RUNX3: variants seen among roughly 807,000 people sequenced by gnomAD.
RUNX3 encodes runt-related transcription factor 3.
In RUNX3, 10 loss-of-function variants were observed where a neutral mutation model predicts 27.7. The observed-to-expected ratio is 0.36, with a 90% confidence interval of 0.22 to 0.61. The LOEUF is 0.61. RUNX3 is among the 20% of genes least tolerant of loss of function. RUNX3 has a pLI of 0.72. For missense variants in RUNX3, 469 were observed against 629.5 expected (o/e 0.75, Z 2.73); for synonymous variants, 270 against 269.2 (o/e 1.00, Z -0.03).
In RUNX3 at chr1:24,901,958, T is replaced by A; in HGVS notation, c.*164A>T. On this transcript the variant is annotated 3_prime_UTR_variant, in exon 5 of 5. Transcript: ENST00000308873. ...CTATGCCTCTGTACAAGGATGTGGC[T>A]GCACAGATGCAGCCAGAGGCTCCCA... The A allele has an allele frequency of 1.5e-6, 1 of 654,294 alleles. No individual in the cohort carries two copies. Among genetic ancestry groups the A allele is most frequent in the Non-Finnish European group, 2.6e-6 (1 of 387,726 alleles). The allele number at this position is 654,294 out of a possible 1,614,324, so 40.5% of individuals were successfully genotyped here. A position where few individuals can be genotyped will look rare whatever the true frequency, so the allele number is the denominator to read the frequency against.
chr1:24,902,154 G>A lies in RUNX3; in HGVS notation c.1216C>T (p.Arg406Cys), dbSNP rs866270424. 4 of 1,570,190 alleles carry A rather than the reference G, an allele frequency of 2.5e-6. No individual in the cohort carries two copies. The highest frequency in any genetic ancestry group is 1.3e-5 in the African/African-American group (1 of 74,514). ...NSPTALSTPG[R>C]MDEAVWRPY ...GGCCGCCACACGGCCTCATCCATGC[G>A]GCCTGGCGTGCTCAGGGCCGTGGGT... The change falls in exon 5 of 5, where the codon CGC (arginine) becomes TGC (cysteine). Residue 406 changes from arginine to cysteine, a missense_variant. By Grantham distance (180) the Arg-to-Cys change is radical. Transcript: ENST00000308873. This position sits in a 1 kb window ranked among gnomAD's most constrained non-coding sequence, Gnocchi z 9.2.
At chr1:24,919,207 G>A (rs541973222) in intron 3 of RUNX3, 33 bp downstream of exon 3, 36 of 1,398,300 alleles carry the variant, frequency 2.6e-5, no homozygotes, top group African/African-American at 5.9e-5. Flanking sequence ...CTCCTCCCCC[G>A]CGCAGGGGCT....
intron 2 of RUNX3, among the ~76,000 whole-genome samples, chr1:24,949,518 G>A (rs546679193): frequency 8.5e-5 from 13 of 152,302 alleles, no homozygotes; most frequent in African/African-American, 2.6e-4. Flanking sequence ...CTCCCCAAGC[G>A]GCCACAAACT....
chr1:24,958,096 GGGCCCGAGCCGATCAGGAGGCC>G (rs1641993986), intron 2 of RUNX3, among the ~76,000 whole-genome samples: 1 of 152,194 alleles, frequency 6.6e-6, no homozygotes, highest in Admixed American at 6.5e-5. Context: ...TGGCGCAGAG[GGGCCCGAGCCGATCAGGAGGCC>G]GGCCTGTGCC....
intron 2 of RUNX3, among the ~76,000 whole-genome samples, chr1:24,956,376 A>G (rs984037007): frequency 6.6e-6 from 1 of 152,260 alleles, no homozygotes; most frequent in African/African-American, 2.4e-5. Flanking sequence ...GTTACCTGCC[A>G]TCATGGCGGA....
Position 24,901,762 on chromosome 1 carries a change from A to C in RUNX3, c.*360T>G. 4.2e-6 allele frequency: 1 copy of C among 236,350 alleles called. No homozygotes were observed. The highest frequency in any genetic ancestry group is 8.2e-6 in the Non-Finnish European group (1 of 121,548). The allele number at this position is 236,350 out of a possible 1,614,324, so 14.6% of individuals were successfully genotyped here. On this transcript the variant is annotated 3_prime_UTR_variant, in exon 5 of 5. Coordinates refer to ENST00000308873, the MANE Select transcript of RUNX3 (RefSeq NM_004350.3). ...CCAATGCTGCCTCTCTCTGGAAGAG[A>C]GATGGCCTCTGTCCCAGGAGACATG...
intron 3 of RUNX3, among the ~76,000 whole-genome samples, chr1:24,914,819 TCTC>T (rs1312396563): frequency 6.6e-6 from 1 of 151,912 alleles, no homozygotes; most frequent in African/African-American, 2.4e-5. Flanking sequence ...CAGGGTCACT[TCTC>T]CTGCCCACGC....
At position 24,907,334 on chromosome 1, in the gene RUNX3, G is replaced by A; in HGVS notation, c.628C>T (p.Pro210Ser). ...GAGCCTCGGGGGCTGGGTGTGCTCG[G>A]TGTCACCCGCATGCGCAGCCGTTCC... ...DLERLRMRVT[P>S]STPSPRGSLS... is the part of the protein sequence containing the mutation. Residue 210 changes from proline (P) to serine (S), a missense_variant, in exon 4 of 5, where the codon CCG becomes TCG. Physicochemically the swap from Pro to Ser is moderately conservative, Grantham distance 74 (BLOSUM62 -1). Around this residue, in one of 3 missense-constraint regions of RUNX3, gnomAD observed 279 missense variants for 343.0 expected, o/e 0.81. Coordinates refer to ENST00000308873, the MANE Select transcript of RUNX3 (RefSeq NM_004350.3). 6.2e-7 allele frequency: 1 copy of A among 1,613,624 alleles called. No individual in the cohort carries two copies. Among genetic ancestry groups the A allele is most frequent in the Middle Eastern group, 1.7e-4 (1 of 6,026 alleles).
intron 2 of RUNX3, among the ~76,000 whole-genome samples, chr1:24,935,700 C>G (rs996977450): frequency 9.8e-5 from 15 of 152,342 alleles, no homozygotes; most frequent in Middle Eastern, 3.4e-3. Flanking sequence ...TTCTGGAAGA[C>G]AGTTATCTGG....
chr1:24,929,397 C>T, intron 1 of RUNX3, 190 bp downstream of exon 1: 1 of 712,866 alleles, frequency 1.4e-6, no homozygotes, highest in Non-Finnish European at 2.5e-6. Flanking sequence ...GTCATTCCTG[C>T]AGGGCGCATC....
intron 2 of RUNX3, among the ~76,000 whole-genome samples, chr1:24,922,209 T>C (rs1459656615): frequency 6.6e-6 from 1 of 150,562 alleles, no homozygotes; most frequent in African/African-American, 2.4e-5. Context: ...TTTTTTTTTT[T>C]CAAGCTTTTA....
At chr1:24,925,982 C>T (rs1353281472) in intron 2 of RUNX3, among the ~76,000 whole-genome samples, 2 of 152,140 alleles carry the variant, frequency 1.3e-5, no homozygotes, top group African/African-American at 2.4e-5. Flanking sequence ...GACAAGGTCT[C>T]GGTAACTCAG....
At position 24,923,232 on chromosome 1, in the gene RUNX3, G is replaced by A. The variant is rs563782152; in HGVS notation, c.440-3888C>T. Among the ~76,000 whole-genome samples the A allele has an allele frequency of 2.0e-5, 3 of 152,264 alleles. No homozygotes were observed. The highest frequency in any genetic ancestry group is 2.1e-4 in the South Asian group (1 of 4,830). ...CACCCCTCCCAGGTACAAAGGAGAG[G>A]AGTGTGGGGCCTAAGAGGAGGAGTG... On this transcript the variant is annotated intron_variant, in intron 2 of 4. Coordinates refer to ENST00000308873, the MANE Select transcript of RUNX3 (RefSeq NM_004350.3). This position sits in a 1 kb window ranked among gnomAD's most constrained non-coding sequence, Gnocchi z 5.9.
rs1641189828 is a variant in RUNX3, at chr1:24,930,139, G to T, written c.-271C>A. 1.0e-6 allele frequency: 1 copy of T among 979,300 alleles called. No homozygotes were observed. Among genetic ancestry groups the T allele is most frequent in the Admixed American group, 6.4e-5 (1 of 15,740 alleles). The allele number at this position is 979,300 out of a possible 1,614,324, so 60.7% of individuals were successfully genotyped here. ...GCCCCGCGTGCGGCCGCCCCTCGTG[G>T]CTGTCCCGGCTGCCTGGGCCGCGGC... On this transcript the variant is annotated 5_prime_UTR_variant, in exon 1 of 5. Coordinates refer to ENST00000308873, the MANE Select transcript of RUNX3 (RefSeq NM_004350.3). The surrounding 1 kb of genome is among the most constrained non-coding windows in gnomAD (Gnocchi z 4.1).
intron 2 of RUNX3, among the ~76,000 whole-genome samples, chr1:24,946,068 T>C (rs867594323): frequency 7.2e-5 from 11 of 152,300 alleles, no homozygotes; most frequent in African/African-American, 2.4e-4. Context: ...AATGAATGAA[T>C]GAGTGAGTGA....
At chr1:24,961,006 T>C (rs1642096655) in intron 2 of RUNX3, among the ~76,000 whole-genome samples, 1 of 152,168 alleles carries the variant, frequency 6.6e-6, no homozygotes. Flanking sequence ...GCACCAGCCC[T>C]GAGGGTAGGC....
chr1:24,962,659 C>G lies in RUNX3; in HGVS notation c.58+1855G>C, dbSNP rs1642146724. ...CCCAGATCCAAACATCTCCACAGACCCTAGCCTATGAGGCGCCTTCTGTGC... is the reference window on the plus strand; with the variant it reads ...CCCAGATCCAAACATCTCCACAGACGCTAGCCTATGAGGCGCCTTCTGTGC... On this transcript the variant is annotated intron_variant, in intron 2 of 6. Coordinates refer to the RUNX3 transcript ENST00000338888. The surrounding 1 kb of genome is among the most constrained non-coding windows in gnomAD (Gnocchi z 4.5). Among the ~76,000 whole-genome samples, 1 of 152,208 alleles carries G rather than the reference C, an allele frequency of 6.6e-6. No individual in the cohort carries two copies. Among genetic ancestry groups the G allele is most frequent in the Non-Finnish European group, 1.5e-5 (1 of 68,030 alleles).
At chr1:24,947,533 G>A (rs965420954) in intron 2 of RUNX3, among the ~76,000 whole-genome samples, 1 of 152,224 alleles carries the variant, frequency 6.6e-6, no homozygotes, top group African/African-American at 2.4e-5. Context: ...TCTTTGAGGG[G>A]TTGGAGTGGG....
chr1:24,951,141 G>T (rs1355858892), intron 2 of RUNX3, among the ~76,000 whole-genome samples: 1 of 146,400 alleles, frequency 6.8e-6, no homozygotes, highest in African/African-American at 2.5e-5. Context: ...GGGAGTTGGA[G>T]GTTGCAGTGA....
Sources: allele counts gnomAD v4.1 joint callset (sites outside exome capture counted in the v4.1 genomes callset), GRCh38; gene constraint gnomAD v4.1.1; regional missense constraint gnomAD v4.1.1; non-coding constraint Gnocchi (gnomAD v3.1); transcripts MANE v1.5; gene names NCBI Gene and HGNC (gene_info 2026-07-23, HGNC 2026-07-21).